PRDM11: variants seen among roughly 807,000 people sequenced by gnomAD.
The protein encoded by PRDM11 is PR/SET domain 11.
Under a neutral mutation model 97.8 loss-of-function variants are expected in PRDM11, and 20 were observed. That is an observed-to-expected ratio of 0.20 (90% CI 0.14 to 0.30). The LOEUF (loss-of-function observed/expected upper bound fraction) is 0.30, where lower values mean the gene tolerates loss of function less well. Among genes scored for constraint, PRDM11 ranks in the 10% least tolerant of loss-of-function variants. The probability of loss-of-function intolerance (pLI) is 1.00; values close to 1 mark genes in which losing one functional copy is unlikely to be tolerated. For synonymous variants in PRDM11, 599 were observed against 637.7 expected, an observed-to-expected ratio of 0.94 and a Z score of 0.91; for missense variants, 1,139 against 1,555.2, an observed-to-expected ratio of 0.73 and a Z score of 4.50.
intron 6 of PRDM11, among the ~76,000 whole-genome samples, chr11:45,220,192 G>A (rs3758724): frequency 0.11 from 17,302 of 152,312 alleles, 1,407 homozygotes; most frequent in Admixed American, 0.27. Flanking sequence ...ACCACCGTCA[G>A]AGGCCTGTTG....
At chr11:45,206,760 T>G (rs149911733) in intron 5 of PRDM11, among the ~76,000 whole-genome samples, 1 of 152,374 alleles carries the variant, frequency 6.6e-6, no homozygotes, top group African/African-American at 2.4e-5. Context: ...GCCACTAGCA[T>G]TGAGAACCAC....
At position 45,224,399 on chromosome 11, in the gene PRDM11, C is replaced by CT. The variant is rs1333902528; in HGVS notation, c.926dup (p.Glu310GlyfsTer31). On this transcript the variant is annotated frameshift_variant, in exon 7 of 8. Transcript: ENST00000683152. LOFTEE classifies it high-confidence loss of function. Reference sequence around the variant, plus strand: ...AATTGACCTGATTTTCAAGGATGTTCTGGAGGCCTCACTGGAATCTGCGAA... The same window carrying CT: ...AATTGACCTGATTTTCAAGGATGTTCTTGGAGGCCTCACTGGAATCTGCGAA... 1 of 1,614,068 alleles carries CT rather than the reference C, an allele frequency of 6.2e-7. No homozygotes were observed. Among genetic ancestry groups the CT allele is most frequent in the Non-Finnish European group, 8.5e-7 (1 of 1,180,046 alleles).
chr11:45,206,792 C>T (rs1853528348), intron 5 of PRDM11, among the ~76,000 whole-genome samples: 1 of 152,196 alleles, frequency 6.6e-6, no homozygotes, highest in Non-Finnish European at 1.5e-5. Context: ...GATCTTCATG[C>T]CACAGTGGTC....
In PRDM11 at chr11:45,162,382, A is replaced by T. The variant is rs149592368; in HGVS notation, c.-7+15505A>T. On this transcript the variant is annotated intron_variant, in intron 1 of 7. Transcript: ENST00000683152. ...AGAAAGTAAGGCTCAGAGAGGCCCA[A>T]AGGGCCTCTCTGAGCTAGTGGATGC... Among the ~76,000 whole-genome samples the T allele has an allele frequency of 3.3e-3, 495 of 151,970 alleles. 3 individuals carry two copies. Among genetic ancestry groups the T allele is most frequent in the African/African-American group, 0.011 (462 of 41,504 alleles).
chr11:45,122,022 C>A (rs891229026), intron 1 of PRDM11, among the ~76,000 whole-genome samples: 9 of 151,160 alleles, frequency 6.0e-5, no homozygotes, highest in Admixed American at 6.6e-5. Context: ...AGATAAACAA[C>A]AGCAAATTAA....
At position 45,180,966 on chromosome 11, in the gene PRDM11, GC is replaced by G. The variant is rs1852473750; in HGVS notation, c.-6-794del. On this transcript the variant is annotated intron_variant, in intron 1 of 7. Coordinates refer to ENST00000683152, the MANE Select transcript of PRDM11 (RefSeq NM_001384648.1). ...TTGGGGCCCCGGTGGGGAGCAGGGG[GC>G]TGATTAGCCGAGGAGCAGGGGTGTG... 2.0e-5 allele frequency among the ~76,000 whole-genome samples: 3 copies of G among 152,270 alleles called. 1 individual carries two copies. In the South Asian group the frequency reaches 6.2e-4, roughly 32 times the overall value.
intron 1 of PRDM11, among the ~76,000 whole-genome samples, chr11:45,155,833 G>A (rs1851780247): frequency 6.6e-6 from 1 of 152,014 alleles, no homozygotes; most frequent in Admixed American, 6.5e-5. Context: ...GTGTCTGGCT[G>A]CCAGACCCTG....
chr11:45,221,725 T>C (rs1854126565), intron 6 of PRDM11, among the ~76,000 whole-genome samples: 1 of 152,038 alleles, frequency 6.6e-6, no homozygotes, highest in African/African-American at 2.4e-5. Flanking sequence ...AGAGGGTCTA[T>C]TCCTGGTCAG....
chr11:45,186,927 G>A (rs534174808), intron 4 of PRDM11, among the ~76,000 whole-genome samples: 1 of 152,306 alleles, frequency 6.6e-6, no homozygotes, highest in East Asian at 1.9e-4. Flanking sequence ...GGGAGACATT[G>A]CTAATGGGGT....
chr11:45,147,029 G>T (rs1365432657), intron 1 of PRDM11, among the ~76,000 whole-genome samples, 152 bp downstream of exon 1: 2 of 145,782 alleles, frequency 1.4e-5, no homozygotes, highest in African/African-American at 4.9e-5. Flanking sequence ...GGCGCGGGGC[G>T]GGGGTCCGGA....
intron 1 of PRDM11, among the ~76,000 whole-genome samples, chr11:45,154,520 G>T (rs1312506895): frequency 6.6e-6 from 1 of 152,134 alleles, no homozygotes; most frequent in Non-Finnish European, 1.5e-5. Flanking sequence ...GTAGGGGTGG[G>T]GGCAGATAGC....
upstream of PRDM11, chr11:45,095,795 G>A (rs371798728): frequency 2.8e-5 from 21 of 745,538 alleles, no homozygotes; most frequent in African/African-American, 3.5e-4. Flanking sequence ...CGGGTCACAA[G>A]GTAGGGTTCA....
At chr11:45,205,125 G>T (rs1331603519) in intron 5 of PRDM11, among the ~76,000 whole-genome samples, 1 of 152,206 alleles carries the variant, frequency 6.6e-6, no homozygotes, top group African/African-American at 2.4e-5. Flanking sequence ...GCAGGCTCCT[G>T]CAGGGGTGGT....
At chr11:45,145,506 G>A (rs1024981170), upstream of PRDM11, among the ~76,000 whole-genome samples, 5 of 152,206 alleles carry the variant, frequency 3.3e-5, no homozygotes, top group Non-Finnish European at 1.5e-5. Context: ...CTTCCCTGGG[G>A]TAGTACCCTC....
At position 45,228,554 on chromosome 11, in the gene PRDM11, G is replaced by A. The variant is rs1854333640; in HGVS notation, c.*395G>A. The A allele has an allele frequency of 6.6e-6, 1 of 152,010 alleles. No homozygotes were observed. The highest frequency in any genetic ancestry group is 2.4e-5 in the African/African-American group (1 of 41,388). 9.4% of individuals were successfully genotyped at this position (152,010 alleles called of 1,614,324 possible). A position where few individuals can be genotyped will look rare whatever the true frequency, so the allele number is the denominator to read the frequency against. On this transcript the variant is annotated 3_prime_UTR_variant, in exon 8 of 8. Coordinates refer to ENST00000683152, the MANE Select transcript of PRDM11 (RefSeq NM_001384648.1). ...TTTGTTTATGTTTTCATTTGCGGGT[G>A]GCGGGGCTCTGGGTTTGGGTTTATG...
At chr11:45,181,974 C>A in intron 2 of PRDM11, 89 bp downstream of exon 2, 1 of 1,204,774 alleles carries the variant, frequency 8.3e-7, no homozygotes, top group Non-Finnish European at 1.2e-6. Flanking sequence ...GAAACGTTCT[C>A]ACTCCTTGCC....
At chr11:45,202,253 C>T (rs4755949) in intron 4 of PRDM11, among the ~76,000 whole-genome samples, 15,319 of 152,302 alleles carry the variant, frequency 0.1, 1,158 homozygotes, top group Admixed American at 0.25. Flanking sequence ...ACGTGCTTTG[C>T]ACTCATTAGC....
intron 4 of PRDM11, among the ~76,000 whole-genome samples, chr11:45,194,587 CTTCTGTTTT>C (rs1174064782): frequency 2.9e-5 from 3 of 104,374 alleles, no homozygotes; most frequent in African/African-American, 1.1e-4. Context: ...TAGTTATTAT[CTTCTGTTTT>C]TTTTTTTTTT....
chr11:45,173,370 C>G (rs1014387948), intron 1 of PRDM11, among the ~76,000 whole-genome samples: 1 of 152,066 alleles, frequency 6.6e-6, no homozygotes, highest in Non-Finnish European at 1.5e-5. Flanking sequence ...GCCTGTAATC[C>G]CAGCACTTTA....
Sources: gnomAD v4.1 joint callset for allele counts (sites outside exome capture counted in the v4.1 genomes callset) on GRCh38, gnomAD v4.1.1 for gene constraint, MANE v1.5 for transcripts, NCBI Gene and HGNC (gene_info 2026-07-23, HGNC 2026-07-21) for gene names.